The following NR2C2 variants were observed in gnomAD, a reference collection of about 807,000 sequenced individuals.
NR2C2 encodes the protein Nuclear hormone receptor TR4.
NR2C2 carries 6 observed loss-of-function variants against 62.9 expected under a neutral mutation model. The ratio of observed to expected loss-of-function variants is 0.10; its 90% CI spans 0.05 to 0.19. The LOEUF is 0.19. Ranked by LOEUF, NR2C2 falls within the 10% of genes least tolerant of loss-of-function variation. NR2C2 has a pLI of 1.00. For missense variants in NR2C2, 479 were observed against 762.7 expected (o/e 0.63, Z 4.38); for synonymous variants, 272 against 273.8 (o/e 0.99, Z 0.07).
At chr3:14,988,694 T>TA (rs1163620377) in intron 1 of NR2C2, among the ~76,000 whole-genome samples, 2 of 152,238 alleles carry the variant, frequency 1.3e-5, no homozygotes, top group Non-Finnish European at 2.9e-5. Context: ...TGAAGGGACT[T>TA]ATAGTCAAAG....
chr3:14,968,686 G>A (rs1407877406), intron 1 of NR2C2, among the ~76,000 whole-genome samples: 23 of 144,634 alleles, frequency 1.6e-4, no homozygotes, highest in African/African-American at 5.6e-4. Context: ...ACATGCACAC[G>A]TATGTTTATT....
At chr3:14,978,872 T>A (rs1415860716) in intron 1 of NR2C2, among the ~76,000 whole-genome samples, 1 of 152,204 alleles carries the variant, frequency 6.6e-6, no homozygotes, top group East Asian at 1.9e-4. Flanking sequence ...TGCAGTGATA[T>A]GAGAGGTGGT....
intron 10 of NR2C2, 167 bp from the exon 11 acceptor site, chr3:15,034,503 A>T (rs1032612192): frequency 3.4e-6 from 2 of 583,240 alleles, no homozygotes; most frequent in Non-Finnish European, 5.9e-6. Context: ...TCATAGACTT[A>T]TTCATAGACT....
At chr3:14,957,493 C>T (rs73814888) in intron 1 of NR2C2, among the ~76,000 whole-genome samples, 2,957 of 152,254 alleles carry the variant, frequency 0.019, 93 homozygotes, top group African/African-American at 0.067. Flanking sequence ...TGATATTGAT[C>T]CACTTGGATT....
chr3:14,985,986 T>C (rs1049341786), intron 1 of NR2C2, among the ~76,000 whole-genome samples: 2 of 152,174 alleles, frequency 1.3e-5, no homozygotes, highest in African/African-American at 4.8e-5. Context: ...TAACTTCATA[T>C]GCAAGAAGTA....
intron 1 of NR2C2, among the ~76,000 whole-genome samples, chr3:14,994,977 C>CT (rs71038447): frequency 0.048 from 4,951 of 104,150 alleles, 481 homozygotes; most frequent in African/African-American, 0.14. Flanking sequence ...ATACAATTCA[C>CT]TTTTTTTTTT....
intron 11 of NR2C2, 91 bp downstream of exon 11, chr3:15,034,900 C>A: frequency 7.5e-7 from 1 of 1,326,280 alleles, no homozygotes; most frequent in South Asian, 1.5e-5. Context: ...AGGCTCATGT[C>A]AAAGACACCT....
chr3:14,952,503 A>C (rs1400595595), intron 1 of NR2C2, among the ~76,000 whole-genome samples: 2 of 152,150 alleles, frequency 1.3e-5, no homozygotes, highest in Non-Finnish European at 2.9e-5. Flanking sequence ...AGAATCTCAG[A>C]ATTGGAAGTG....
chr3:14,968,639 A>G (rs2039936838), intron 1 of NR2C2, among the ~76,000 whole-genome samples: 1 of 147,134 alleles, frequency 6.8e-6, no homozygotes, highest in Non-Finnish European at 1.5e-5. Context: ...TACTGGGTAT[A>G]TACCCAAAGG....
intron 1 of NR2C2, among the ~76,000 whole-genome samples, chr3:14,973,523 C>T (rs184625126): frequency 9.9e-5 from 15 of 152,240 alleles, no homozygotes; most frequent in South Asian, 8.3e-4. Context: ...CATGAGCCAC[C>T]GTGCATGTCT....
rs2041942823 is a variant in NR2C2, at chr3:15,030,163, G to A, written c.933-112G>A. ...AACATAGTGAAACCCCATCTCTACG[G>A]TAGAATTTAATTATCTTTTCCCACT... On this transcript the variant is annotated intron_variant, in intron 8 of 13. Coordinates refer to ENST00000425241, the MANE Select transcript of NR2C2 (RefSeq NM_001291694.2). The A allele has an allele frequency of 4.4e-6, 4 of 901,538 alleles. No individual in the cohort carries two copies. In the South Asian group the frequency reaches 6.6e-5, roughly 15 times the overall value. The allele number at this position is 901,538 out of a possible 1,614,324, so 55.8% of individuals were successfully genotyped here.
chr3:14,993,786 A>AC (rs1222418836), intron 1 of NR2C2, among the ~76,000 whole-genome samples: 1 of 152,196 alleles, frequency 6.6e-6, no homozygotes, highest in Non-Finnish European at 1.5e-5. Flanking sequence ...TGCCAGTGTG[A>AC]CCCATGCCCC....
At position 15,043,545 on chromosome 3, in the gene NR2C2, T is replaced by C. The variant is rs1158145301; in HGVS notation, c.*537T>C. 6.5e-6 allele frequency: 1 copy of C among 152,694 alleles called. No individual in the cohort carries two copies. Among genetic ancestry groups the C allele is most frequent in the African/African-American group, 2.4e-5 (1 of 41,466 alleles). The allele number at this position is 152,694 out of a possible 1,614,324, so 9.5% of individuals were successfully genotyped here. ...TGATTTCTGTGAAAACTCACTAGGG[T>C]ACAGGAGACAATCATTTATGTTTAA... is the stretch of plus-strand genomic sequence containing the variant. On this transcript the variant is annotated 3_prime_UTR_variant, in exon 14 of 14. Transcript: ENST00000425241.
At chr3:14,989,667 C>A (rs1036970020) in intron 1 of NR2C2, among the ~76,000 whole-genome samples, 1 of 151,722 alleles carries the variant, frequency 6.6e-6, no homozygotes, top group African/African-American at 2.4e-5. Context: ...TGTGGTGGCT[C>A]ACGACCTGTA....
At chr3:15,008,066 C>T (rs1018930486) in intron 2 of NR2C2, among the ~76,000 whole-genome samples, 2 of 152,122 alleles carry the variant, frequency 1.3e-5, no homozygotes, top group Non-Finnish European at 2.9e-5. Flanking sequence ...AAGAGGTAGC[C>T]AACCCACACC....
rs1178016368 is a variant in NR2C2, at chr3:15,039,366, T to C, written c.1616+139T>C. On this transcript the variant is annotated intron_variant, in intron 13 of 13. Transcript: ENST00000425241. ...CTCCATTGGATCACACTCTAATTCT[T>C]GAGTTTTCTTTGTTTTTTCCAAGCT... 4.3e-5 allele frequency: 28 copies of C among 646,214 alleles called. No individual in the cohort carries two copies. In the East Asian group the frequency reaches 7.6e-4, roughly 18 times the overall value. 40.0% of individuals were successfully genotyped at this position (646,214 alleles called of 1,614,324 possible).
intron 1 of NR2C2, among the ~76,000 whole-genome samples, chr3:14,967,226 A>G (rs953155784): frequency 5.3e-5 from 8 of 151,878 alleles, no homozygotes; most frequent in African/African-American, 1.9e-4. Context: ...TTGTGATTCT[A>G]GTAATTTGAG....
At chr3:15,032,268 A>G in intron 9 of NR2C2, 111 bp from the exon 10 acceptor site, 13 of 1,461,894 alleles carry the variant, frequency 8.9e-6, no homozygotes, top group Non-Finnish European at 1.2e-5. Context: ...AGAATCAGAC[A>G]GCAACTCTAG....
chr3:15,013,740 A>G lies in NR2C2; in HGVS notation c.224A>G (p.Lys75Arg). The change falls in exon 3 of 14, where the codon AAG becomes AGG. Residue 75 changes from lysine (K) to arginine (R), a missense_variant. By Grantham distance (26) the Lys-to-Arg change is conservative (BLOSUM62 2). Transcript: ENST00000425241. ...ILASPETSSA[K>R]QLIFTTSDNL... ...GCTTCCCCAGAGACATCCAGCGCCA[A>G]GCAACTCATATTCACCACCTCAGAC... The G allele has an allele frequency of 1.9e-6, 3 of 1,614,200 alleles. No individual in the cohort carries two copies. The highest frequency in any genetic ancestry group is 1.3e-5 in the African/African-American group (1 of 75,056).
Sources: gnomAD v4.1 joint callset for allele counts (sites outside exome capture counted in the v4.1 genomes callset) on GRCh38, gnomAD v4.1.1 for gene constraint, MANE v1.5 for transcripts, NCBI Gene and HGNC (gene_info 2026-07-23, HGNC 2026-07-21) for gene names.